PTPRM: variants seen among roughly 807,000 people sequenced by gnomAD.
The protein encoded by PTPRM is protein tyrosine phosphatase receptor type M, also known as receptor-type tyrosine-protein phosphatase mu.
In PTPRM, 47 loss-of-function variants were observed where a neutral mutation model predicts 186.7. That is an observed-to-expected ratio of 0.25 (90% CI 0.20 to 0.32). The LOEUF (loss-of-function observed/expected upper bound fraction) is 0.32. Among genes scored for constraint, PTPRM ranks in the 10% least tolerant of loss-of-function variants. The probability of loss-of-function intolerance (pLI) is 1.00; values close to 1 mark genes in which losing one functional copy is unlikely to be tolerated. For missense variants in PTPRM, 1,494 were observed against 1,865.0 expected (o/e 0.80, Z 3.66); for synonymous variants, 668 against 674.9 (o/e 0.99, Z 0.16).
chr18:7,714,430 T>A (rs2040279263), intron 1 of PTPRM, among the ~76,000 whole-genome samples: 1 of 152,048 alleles, frequency 6.6e-6, no homozygotes, highest in Admixed American at 6.6e-5. Flanking sequence ...GATCTAAAAT[T>A]GGCATCCTAA....
intron 7 of PTPRM, among the ~76,000 whole-genome samples, chr18:8,024,751 T>A (rs571674804): frequency 1.3e-5 from 2 of 150,816 alleles, no homozygotes; most frequent in Admixed American, 1.3e-4. Flanking sequence ...TGGCATGATC[T>A]TGGCTCGGTG....
At chr18:8,157,236 A>C (rs754732640) in intron 14 of PTPRM, among the ~76,000 whole-genome samples, 19 of 152,234 alleles carry the variant, frequency 1.2e-4, no homozygotes, top group Non-Finnish European at 2.6e-4. Flanking sequence ...ATGTTATGAC[A>C]AGAAAACAAG....
chr18:7,776,809 G>A (rs368182134), intron 2 of PTPRM, among the ~76,000 whole-genome samples: 2 of 152,148 alleles, frequency 1.3e-5, no homozygotes, highest in Non-Finnish European at 2.9e-5. Context: ...CTGACCCATC[G>A]ACCAAAGTGA....
At chr18:7,728,650 C>T (rs568373119) in intron 1 of PTPRM, among the ~76,000 whole-genome samples, 1 of 152,370 alleles carries the variant, frequency 6.6e-6, no homozygotes, top group African/African-American at 2.4e-5. Flanking sequence ...TGGGTTTCAT[C>T]TGAGACCAGC....
chr18:8,349,364 T>C (rs1321019155), intron 23 of PTPRM, among the ~76,000 whole-genome samples: 1 of 152,250 alleles, frequency 6.6e-6, no homozygotes, highest in African/African-American at 2.4e-5. Flanking sequence ...ATTGTTTTTA[T>C]AGACATTGCT....
At chr18:7,627,533 T>C (rs893166028) in intron 1 of PTPRM, among the ~76,000 whole-genome samples, 2 of 151,942 alleles carry the variant, frequency 1.3e-5, no homozygotes, top group Non-Finnish European at 2.9e-5. Flanking sequence ...GGCCTTAGGG[T>C]ACATGGAAGG....
At chr18:8,248,017 G>A in intron 16 of PTPRM, 98 bp downstream of exon 16, 2 of 1,362,248 alleles carry the variant, frequency 1.5e-6, no homozygotes. Flanking sequence ...GGGGCTTACT[G>A]TGTTTGAGAT....
intron 19 of PTPRM, among the ~76,000 whole-genome samples, chr18:8,286,761 G>A (rs1210970675): frequency 6.6e-6 from 1 of 152,122 alleles, no homozygotes; most frequent in South Asian, 2.1e-4. Flanking sequence ...TGTTTTAAAA[G>A]ATATTTCTAA....
At chr18:8,229,508 A>G (rs2094257924) in intron 14 of PTPRM, among the ~76,000 whole-genome samples, 2 of 152,314 alleles carry the variant, frequency 1.3e-5, no homozygotes, top group Admixed American at 6.5e-5. Flanking sequence ...ATTATTTAAC[A>G]TATAAGGATA....
chr18:8,030,662 T>TGTGCTTTGAGAGAAG (rs1425875133), intron 7 of PTPRM, among the ~76,000 whole-genome samples: 2 of 152,026 alleles, frequency 1.3e-5, no homozygotes, highest in African/African-American at 4.8e-5. Context: ...ATGGGATCCC[T>TGTGCTTTGAGAGAAG]CACATGAGGT....
chr18:8,159,033 CTCT>C, intron 14 of PTPRM, among the ~76,000 whole-genome samples: 1 of 152,264 alleles, frequency 6.6e-6, no homozygotes, highest in Admixed American at 6.5e-5. Flanking sequence ...TTCATGACAC[CTCT>C]TCTTCTAACA....
At chr18:7,857,807 A>G (rs1346420637) in intron 2 of PTPRM, among the ~76,000 whole-genome samples, 1 of 152,244 alleles carries the variant, frequency 6.6e-6, no homozygotes, top group Non-Finnish European at 1.5e-5. Context: ...CCTTGAATAC[A>G]GAAATTTGAG....
At chr18:8,383,522 A>C (rs4798635) in intron 29 of PTPRM, among the ~76,000 whole-genome samples, 42,155 of 151,850 alleles carry the variant, frequency 0.28, 6,382 homozygotes, top group East Asian at 0.51. Flanking sequence ...AAGCACCTTC[A>C]TAAGCCACCA....
At chr18:8,130,791 C>T (rs900971913) in intron 13 of PTPRM, among the ~76,000 whole-genome samples, 4 of 152,210 alleles carry the variant, frequency 2.6e-5, no homozygotes, top group African/African-American at 4.8e-5. Flanking sequence ...CCAATGCACA[C>T]AGTTTAGAAA....
intron 1 of PTPRM, among the ~76,000 whole-genome samples, chr18:7,701,753 G>C (rs141796798): frequency 0.063 from 9,503 of 151,976 alleles, 778 homozygotes; most frequent in African/African-American, 0.18. Flanking sequence ...TACATGTGCA[G>C]AACATGCAGG....
chr18:8,004,551 C>A (rs2084063808), intron 7 of PTPRM, among the ~76,000 whole-genome samples: 1 of 151,726 alleles, frequency 6.6e-6, no homozygotes, highest in African/African-American at 2.4e-5. Context: ...ACTTGCAGCC[C>A]CCAGTAATTC....
At chr18:7,937,378 G>T (rs909909682) in intron 5 of PTPRM, among the ~76,000 whole-genome samples, 1 of 152,198 alleles carries the variant, frequency 6.6e-6, no homozygotes, top group Non-Finnish European at 1.5e-5. Flanking sequence ...GAAGCTGCTT[G>T]CAGGGAGCTG....
At chr18:8,310,816 A>G (rs891642904) in intron 20 of PTPRM, among the ~76,000 whole-genome samples, 6 of 152,202 alleles carry the variant, frequency 3.9e-5, no homozygotes, top group African/African-American at 1.4e-4. Context: ...AACACTTAGC[A>G]TAGTGTTTGG....
chr18:8,343,333 G>A (rs1329589968), intron 22 of PTPRM, 90 bp from the exon 23 acceptor site: 1 of 1,025,216 alleles, frequency 9.8e-7, no homozygotes, highest in African/African-American at 1.6e-5. Context: ...AACTGCATGT[G>A]GGTATTAATA....
Sources: gnomAD v4.1 joint callset for allele counts (sites outside exome capture counted in the v4.1 genomes callset) on GRCh38, gnomAD v4.1.1 for gene constraint, MANE v1.5 for transcripts, NCBI Gene and HGNC (gene_info 2026-07-23, HGNC 2026-07-21) for gene names.